The following ERCC5 variants were observed in gnomAD, a reference collection of about 807,000 sequenced individuals.
ERCC5 encodes the protein ERCC excision repair 5, endonuclease.
Under a neutral mutation model 105.6 loss-of-function variants are expected in ERCC5, and 68 were observed. That is an observed-to-expected ratio of 0.64 (90% CI 0.53 to 0.79). The LOEUF (loss-of-function observed/expected upper bound fraction) is 0.79. Ranked by LOEUF, ERCC5 falls within the 30% of genes least tolerant of loss-of-function variation. ERCC5 has a pLI of 0.00. For synonymous variants in ERCC5, 546 were observed against 526.2 expected (o/e 1.04, Z -0.51); for missense variants, 1,373 against 1,426.7 (o/e 0.96, Z 0.61).
At position 102,853,739 on chromosome 13, in the gene ERCC5, C is replaced by T. The variant is rs1318697490; in HGVS notation, c.265-18C>T. ...TCTAATATCCTGAAGTGAGATCTTA[C>T]ATCCTTTCTTCTCATAGGTGAAGAG... On this transcript the variant is annotated intron_variant, in intron 2 of 14. Transcript: ENST00000652225. The T allele has an allele frequency of 6.2e-7, 1 of 1,608,546 alleles. No individual in the cohort carries two copies. The highest frequency in any genetic ancestry group is 8.5e-7 in the Non-Finnish European group (1 of 1,175,308).
chr13:102,875,190 A>T, intron 14 of ERCC5, 117 bp from the exon 15 acceptor site: 1 of 1,174,914 alleles, frequency 8.5e-7, no homozygotes, highest in Non-Finnish European at 1.2e-6. Flanking sequence ...ATAATGAATT[A>T]ATATTCTCTG....
chr13:102,846,093 C>T lies in ERCC5; in HGVS notation c.-174C>T. The T allele has an allele frequency of 1.7e-6, 1 of 602,900 alleles. No homozygotes were observed. Among genetic ancestry groups the T allele is most frequent in the African/African-American group, 1.8e-5 (1 of 54,064 alleles). 37.3% of individuals were successfully genotyped at this position (602,900 alleles called of 1,614,324 possible). ...CAGCCAGAGTCTCTCCGCTTTAATG[C>T]GCTCCCATTAGTGCCGTCCCCCACT... On this transcript the variant is annotated 5_prime_UTR_variant, in exon 1 of 15. Transcript: ENST00000652225.
In ERCC5 at chr13:102,865,703, A is replaced by C; in HGVS notation, c.1991A>C (p.Glu664Ala). The stretch of plus-strand genomic sequence containing the variant: ...GAAGTGCAAAGTGTGATTAGTGATG[A>C]GGAACTTCAAGCAGAATTCCCTGAA... ...FIEVQSVISD[E>A]ELQAEFPETS... Residue 664 changes from glutamate (E) to alanine (A), a missense_variant, in exon 9 of 15, where the codon GAG becomes GCG. Physicochemically the swap from Glu to Ala is moderately radical, Grantham distance 107. Transcript: ENST00000652225. The surrounding 1 kb of genome is among the most constrained non-coding windows in gnomAD (Gnocchi z 4.0). 6.2e-7 allele frequency: 1 copy of C among 1,613,882 alleles called. No homozygotes were observed. Among genetic ancestry groups the C allele is most frequent in the Non-Finnish European group, 8.5e-7 (1 of 1,179,872 alleles).
chr13:102,861,798 G>C (rs971511048), intron 7 of ERCC5, 84 bp downstream of exon 7: 1 of 1,511,694 alleles, frequency 6.6e-7, no homozygotes. Flanking sequence ...AGCACCCCTG[G>C]ATAATATTAA....
chr13:102,874,202 T>C (rs1883121534), intron 14 of ERCC5, among the ~76,000 whole-genome samples: 1 of 152,164 alleles, frequency 6.6e-6, no homozygotes, highest in Non-Finnish European at 1.5e-5. Flanking sequence ...AATGTGTTTA[T>C]TTTTCCAAAA....
In ERCC5 at chr13:102,862,280, T is replaced by C. The variant is rs764744058; in HGVS notation, c.1131T>C (p.Ala377=). Reference sequence around the variant, plus strand: ...CCCGTGGGAGGAACGCACCTGCTGCTGTAGACGAAGGCTCCATATCACCCC... The same window carrying C: ...CCCGTGGGAGGAACGCACCTGCTGCCGTAGACGAAGGCTCCATATCACCCC... ...RQARGRNAPA[A]VDEGSISPRT... The change falls in exon 8 of 15, where the codon GCT becomes GCC. Residue 377 remains alanine, a synonymous_variant. Transcript: ENST00000652225. 6.2e-7 allele frequency: 1 copy of C among 1,614,158 alleles called. No homozygotes were observed. The highest frequency in any genetic ancestry group is 2.2e-5 in the East Asian group (1 of 44,868).
intron 4 of ERCC5, among the ~76,000 whole-genome samples, chr13:102,854,899 A>C (rs1268912458): frequency 6.6e-6 from 1 of 152,082 alleles, no homozygotes; most frequent in Non-Finnish European, 1.5e-5. Context: ...TCTCTCTCTT[A>C]ATGGTTGGTG....
chr13:102,860,038 T>C (rs1882564552), intron 6 of ERCC5, among the ~76,000 whole-genome samples: 1 of 152,226 alleles, frequency 6.6e-6, no homozygotes, highest in Non-Finnish European at 1.5e-5. Context: ...ATCTCCGTGC[T>C]GTAGATGCTT....
At chr13:102,864,126 C>CCACAGA (rs1032920813) in intron 8 of ERCC5, among the ~76,000 whole-genome samples, 1 of 140,918 alleles carries the variant, frequency 7.1e-6, no homozygotes, top group African/African-American at 2.7e-5. Context: ...AGAGAATCAA[C>CCACAGA]CACACACACA....
chr13:102,861,930 T>C, intron 7 of ERCC5, 100 bp from the exon 8 acceptor site: 46 of 1,497,176 alleles, frequency 3.1e-5, no homozygotes, highest in Non-Finnish European at 4.3e-5. Context: ...AAAATGTATA[T>C]ACTTATTTAT....
Position 102,866,765 on chromosome 13 carries a change from C to T in ERCC5, c.2453C>T (p.Ala818Val), listed in dbSNP as rs774078839. The change falls in exon 11 of 15, where the codon GCG becomes GTG. Residue 818 changes from alanine (A) to valine (V), a missense_variant. Coordinates refer to ENST00000652225, the MANE Select transcript of ERCC5 (RefSeq NM_000123.4). ...TDDSDIWLFG[A>V]RHVYRNFFNK... Reference sequence around the variant, plus strand: ...GACAGTGATATCTGGCTGTTTGGAGCGCGGCATGTCTATAGAAACTTTTTT... The same window carrying T: ...GACAGTGATATCTGGCTGTTTGGAGTGCGGCATGTCTATAGAAACTTTTTT... 28 of 1,614,110 alleles carry T rather than the reference C, an allele frequency of 1.7e-5. No individual in the cohort carries two copies. The highest frequency in any genetic ancestry group is 4.4e-5 in the South Asian group (4 of 91,092).
intron 1 of ERCC5, among the ~76,000 whole-genome samples, chr13:102,847,856 G>A (rs780377928): frequency 6.6e-6 from 1 of 152,196 alleles, no homozygotes; most frequent in Non-Finnish European, 1.5e-5. Context: ...CAGCCCTTGT[G>A]AAGAATTACT....
At chr13:102,854,592 C>G (rs1480953432) in intron 4 of ERCC5, among the ~76,000 whole-genome samples, 1 of 152,188 alleles carries the variant, frequency 6.6e-6, no homozygotes, top group Non-Finnish European at 1.5e-5. Flanking sequence ...CCTCTTCATT[C>G]TAAAGAACTT....
At position 102,866,642 on chromosome 13, in the gene ERCC5, G is replaced by T; in HGVS notation, c.2330G>T (p.Arg777Leu). 1 of 1,613,340 alleles carries T rather than the reference G, an allele frequency of 6.2e-7. No individual in the cohort carries two copies. The highest frequency in any genetic ancestry group is 1.3e-5 in the African/African-American group (1 of 75,046). Residue 777 changes from arginine (R) to leucine (L), a missense_variant, in exon 11 of 15, where the codon CGC (arginine) becomes CTC (leucine). Physicochemically the swap from Arg to Leu is moderately radical, Grantham distance 102. Around this residue, in one of 3 missense-constraint regions of ERCC5, gnomAD observed 1,004 missense variants for 1,059.7 expected, o/e 0.95. Coordinates refer to ENST00000652225, the MANE Select transcript of ERCC5 (RefSeq NM_000123.4). ...QMFLESQELLRLFGIPYIQAP... is the reference protein window; with the variant it reads ...QMFLESQELLLLFGIPYIQAP... ...CCCCTCACTCTGCAGGAACTCCTGC[G>T]CCTGTTCGGCATTCCCTACATCCAG...
intron 6 of ERCC5, among the ~76,000 whole-genome samples, chr13:102,859,397 C>T (rs1206709320): frequency 6.6e-6 from 1 of 152,178 alleles, no homozygotes; most frequent in Non-Finnish European, 1.5e-5. Context: ...CAGTAGCACA[C>T]ACTAAGGTGC....
rs141212999 is a variant in ERCC5 at position 102,852,183 on chromosome 13, A to G, written c.154A>G (p.Asn52Asp). The change falls in exon 2 of 15, where the codon AAT becomes GAT. Residue 52 changes from asparagine (N) to aspartate (D), a missense_variant. By Grantham distance (23) the Asn-to-Asp change is conservative (BLOSUM62 1). This residue lies in a region of ERCC5 where 1,004 missense variants were observed against 1,059.7 expected (regional missense o/e 0.95). Transcript: ENST00000652225. ...VRDRHGNSIE[N>D]PHLLTLFHRL... is the part of the protein sequence containing the mutation. ...GGATCGCCATGGGAACTCAATAGAA[A>G]ATCCTCATCTTCTCACTTTGTTTCA... is the stretch of plus-strand genomic sequence containing the variant. 5 of 1,614,108 alleles carry G rather than the reference A, an allele frequency of 3.1e-6. No homozygotes were observed. Among genetic ancestry groups the G allele is most frequent in the Non-Finnish European group, 4.2e-6 (5 of 1,179,990 alleles).
Position 102,862,316 on chromosome 13 carries a change from A to G in ERCC5, c.1167A>G (p.Ser389=), listed in dbSNP as rs939729778. 5 of 1,614,062 alleles carry G rather than the reference A, an allele frequency of 3.1e-6. No homozygotes were observed. The highest frequency in any genetic ancestry group is 4.2e-6 in the Non-Finnish European group (5 of 1,180,042). Reference sequence around the variant, plus strand: ...GCTCCATATCACCCCGGACTCTTTCAGCCATTAAGAGAGCTCTTGACGATG... The same window carrying G: ...GCTCCATATCACCCCGGACTCTTTCGGCCATTAAGAGAGCTCTTGACGATG... The part of the protein sequence containing the change: ...DEGSISPRTL[S]AIKRALDDDE... Residue 389 remains serine (S), a synonymous_variant, in exon 8 of 15, where the codon TCA becomes TCG. Coordinates refer to ENST00000652225, the MANE Select transcript of ERCC5 (RefSeq NM_000123.4).
intron 6 of ERCC5, 115 bp from the exon 7 acceptor site, chr13:102,861,392 A>G (rs1275811204): frequency 1.9e-6 from 2 of 1,070,216 alleles, no homozygotes; most frequent in Non-Finnish European, 2.8e-6. Flanking sequence ...TGAAACTACC[A>G]TCAATGAAAA....
intron 4 of ERCC5, among the ~76,000 whole-genome samples, chr13:102,854,888 GTCTC>G (rs1294089184): frequency 6.6e-6 from 1 of 152,136 alleles, no homozygotes; most frequent in Non-Finnish European, 1.5e-5. Context: ...CTCTTCCTCT[GTCTC>G]TCTCTTAATG....
Sources: gnomAD v4.1 joint callset for allele counts (sites outside exome capture counted in the v4.1 genomes callset) on GRCh38, gnomAD v4.1.1 for gene constraint, gnomAD v4.1.1 regional missense constraint, Gnocchi (gnomAD v3.1) non-coding constraint, MANE v1.5 for transcripts, NCBI Gene and HGNC (gene_info 2026-07-23, HGNC 2026-07-21) for gene names.